Variants in COL9A2 observed in about 807,000 individuals in gnomAD.
The protein encoded by COL9A2 is collagen alpha-2(IX) chain.
A neutral mutation model predicts 111.6 loss-of-function variants in COL9A2; 66 were observed. That is an observed-to-expected ratio of 0.59 (90% CI 0.48 to 0.73). The LOEUF is 0.73. Among genes scored for constraint, COL9A2 ranks in the 30% least tolerant of loss-of-function variants. COL9A2 has a pLI of 0.00. For missense variants in COL9A2, 881 were observed against 954.1 expected, an observed-to-expected ratio of 0.92 and a Z score of 1.01; for synonymous variants, 353 against 364.1, an observed-to-expected ratio of 0.97 and a Z score of 0.35.
rs752798721 is a variant in COL9A2, at chr1:40,302,601, C to T, written c.1792+20G>A. 1.3e-6 allele frequency: 2 copies of T among 1,588,044 alleles called. No individual in the cohort carries two copies. The highest frequency in any genetic ancestry group is 1.1e-5 in the South Asian group (1 of 87,112). On this transcript the variant is annotated intron_variant, in intron 30 of 31. Transcript: ENST00000372748. This position sits in a 1 kb window ranked among gnomAD's most constrained non-coding sequence, Gnocchi z 4.5. ...ATCCTCACTGCCTGGCCCCCATGCC[C>T]ACCGCAGAGGAGCACTCACCCTTGG...
Position 40,312,678 on chromosome 1 carries a change from T to C in COL9A2, c.303+53A>G. ...GCTCCTACTTCCTCTCTACAGCCAC[T>C]CCCAAACGCTGGCCCTAGATTGCCC... is the stretch of plus-strand genomic sequence containing the variant. On this transcript the variant is annotated intron_variant, in intron 5 of 31. Coordinates refer to ENST00000372748, the MANE Select transcript of COL9A2 (RefSeq NM_001852.4). The surrounding 1 kb of genome is among the most constrained non-coding windows in gnomAD (Gnocchi z 6.0). The C allele has an allele frequency of 6.3e-7, 1 of 1,589,786 alleles. No homozygotes were observed. Among genetic ancestry groups the C allele is most frequent in the Non-Finnish European group, 8.6e-7 (1 of 1,167,048 alleles).
At chr1:40,308,717 C>T (rs1230718792) in intron 16 of COL9A2, among the ~76,000 whole-genome samples, 1 of 152,102 alleles carries the variant, frequency 6.6e-6, no homozygotes, top group Non-Finnish European at 1.5e-5. Context: ...AGAATGAGTG[C>T]TTATTGTTTA....
At position 40,311,036 on chromosome 1, in the gene COL9A2, C is replaced by T. The variant is rs947374851; in HGVS notation, c.630+57G>A. The T allele has an allele frequency of 3.1e-6, 5 of 1,601,034 alleles. No homozygotes were observed. In the African/African-American group the frequency reaches 6.7e-5, roughly 21 times the overall value. On this transcript the variant is annotated intron_variant, in intron 12 of 31. Coordinates refer to ENST00000372748, the MANE Select transcript of COL9A2 (RefSeq NM_001852.4). The surrounding 1 kb of genome is among the most constrained non-coding windows in gnomAD (Gnocchi z 5.1). ...GGAAGGGACGAAGAAGGGGACAGAG[C>T]CCTGTAGGACCATCTCCACGTATCC...
Position 40,305,721 on chromosome 1 carries a change from C to T in COL9A2, c.1101G>A (p.Gly367=). The T allele has an allele frequency of 1.2e-6, 2 of 1,614,068 alleles. No homozygotes were observed. The highest frequency in any genetic ancestry group is 1.7e-6 in the Non-Finnish European group (2 of 1,179,972). Residue 367 remains glycine, a synonymous_variant, in exon 21 of 32, where the codon GGG becomes GGA. Coordinates refer to ENST00000372748, the MANE Select transcript of COL9A2 (RefSeq NM_001852.4). The stretch of plus-strand genomic sequence containing the variant: ...CAGTGCAGGGGGCATTTACCTCTTT[C>T]CCAGGGGGACCAGAGAATCCAGGAA... The part of the protein sequence containing the change: ...QGLPGFSGPP[G]KEGEPGPRGE...
At chr1:40,305,574 G>C (rs970048097) in intron 21 of COL9A2, 141 bp downstream of exon 21, 49 of 777,866 alleles carry the variant, frequency 6.3e-5, no homozygotes, top group Middle Eastern at 4.6e-4. Context: ...AGGGAAACAG[G>C]CCCAGGGAGG....
chr1:40,305,539 T>G (rs1644014656), intron 21 of COL9A2, among the ~76,000 whole-genome samples, 176 bp downstream of exon 21: 1 of 152,078 alleles, frequency 6.6e-6, no homozygotes, highest in African/African-American at 2.4e-5. Flanking sequence ...ACAGAGCCAG[T>G]CCCCACCCTC....
intron 20 of COL9A2, 110 bp downstream of exon 20, chr1:40,306,033 G>C: frequency 3.9e-6 from 5 of 1,295,836 alleles, no homozygotes; most frequent in Non-Finnish European, 5.6e-6. Context: ...AGGCCCAAGG[G>C]GCTTATGTTC....
In COL9A2 at chr1:40,311,431, T is replaced by C. The variant is rs1414718382; in HGVS notation, c.519+69A>G. On this transcript the variant is annotated intron_variant, in intron 10 of 31. Coordinates refer to ENST00000372748, the MANE Select transcript of COL9A2 (RefSeq NM_001852.4). The surrounding 1 kb of genome is among the most constrained non-coding windows in gnomAD (Gnocchi z 5.1). Reference sequence around the variant, plus strand: ...ATCTCTCCAGACACCCCCATCTCCGTGGCCCCGCCTCCCCATCTCTGTGGC... The same window carrying C: ...ATCTCTCCAGACACCCCCATCTCCGCGGCCCCGCCTCCCCATCTCTGTGGC... The C allele has an allele frequency of 1.9e-6, 3 of 1,568,198 alleles. No individual in the cohort carries two copies. Among genetic ancestry groups the C allele is most frequent in the Non-Finnish European group, 2.6e-6 (3 of 1,143,848 alleles).
At position 40,303,630 on chromosome 1, in the gene COL9A2, G is replaced by T. The variant is rs1203537041; in HGVS notation, c.1448C>A (p.Ala483Glu). Residue 483 changes from alanine (A) to glutamate (E), a missense_variant, in exon 28 of 32, where the codon GCG (alanine) becomes GAG (glutamate). Ala to Glu is a moderately radical substitution (Grantham distance 107). Coordinates refer to ENST00000372748, the MANE Select transcript of COL9A2 (RefSeq NM_001852.4). The surrounding 1 kb of genome is among the most constrained non-coding windows in gnomAD (Gnocchi z 4.6). ...EPGYPGPSGDAGAPGVQGYPG... is the reference protein window; with the variant it reads ...EPGYPGPSGDEGAPGVQGYPG... The stretch of plus-strand genomic sequence containing the variant: ...GTAGCCCTGAACCCCTGGGGCGCCC[G>T]CATCCCCGCTGGGGCCAGGGTAGCC... The T allele has an allele frequency of 6.3e-7, 1 of 1,592,990 alleles. No homozygotes were observed. Among genetic ancestry groups the T allele is most frequent in the Admixed American group, 1.7e-5 (1 of 57,306 alleles).
In COL9A2 at chr1:40,307,430, T is replaced by C; in HGVS notation, c.1008+16A>G. 1 of 1,613,558 alleles carries C rather than the reference T, an allele frequency of 6.2e-7. No individual in the cohort carries two copies. Among genetic ancestry groups the C allele is most frequent in the Non-Finnish European group, 8.5e-7 (1 of 1,179,746 alleles). ...CTAGCCCCTGGCCAGCCCCTGTGGCTCCACCTGACACTTACCGCTAGGCCC... is the reference window on the plus strand; with the variant it reads ...CTAGCCCCTGGCCAGCCCCTGTGGCCCCACCTGACACTTACCGCTAGGCCC... On this transcript the variant is annotated intron_variant, in intron 19 of 31. Coordinates refer to ENST00000372748, the MANE Select transcript of COL9A2 (RefSeq NM_001852.4). This position sits in a 1 kb window ranked among gnomAD's most constrained non-coding sequence, Gnocchi z 4.8.
At position 40,311,823 on chromosome 1, in the gene COL9A2, C is replaced by T. The variant is rs781781402; in HGVS notation, c.418-108G>A. On this transcript the variant is annotated intron_variant, in intron 8 of 31. Coordinates refer to ENST00000372748, the MANE Select transcript of COL9A2 (RefSeq NM_001852.4). The surrounding 1 kb of genome is among the most constrained non-coding windows in gnomAD (Gnocchi z 5.1). ...GCCCTCTCCACCCTGTCTTCCCGGT[C>T]ACTTTGTGAGATCCACCATCTTGGG... 2 of 1,232,356 alleles carry T rather than the reference C, an allele frequency of 1.6e-6. No homozygotes were observed. Among genetic ancestry groups the T allele is most frequent in the Non-Finnish European group, 2.4e-6 (2 of 838,996 alleles). The allele number at this position is 1,232,356 out of a possible 1,614,324, so 76.3% of individuals were successfully genotyped here.
In COL9A2 at chr1:40,307,473, G is replaced by T. The variant is rs140834689; in HGVS notation, c.981C>A (p.Pro327=). Reference sequence around the variant, plus strand: ...CTAGGCCCTGGTGGCCTGGACTTCCGGGCTGTCCCGCCTGTCCTGCACTGC... The same window carrying T: ...CTAGGCCCTGGTGGCCTGGACTTCCTGGCTGTCCCGCCTGTCCTGCACTGC... The part of the protein sequence containing the change: ...MKGSAGQAGQ[P]GSPGHQGLAG... Residue 327 remains proline, a synonymous_variant, in exon 19 of 32, where the codon CCC becomes CCA. Transcript: ENST00000372748. The surrounding 1 kb of genome is among the most constrained non-coding windows in gnomAD (Gnocchi z 4.8). 4.3e-6 allele frequency: 7 copies of T among 1,613,968 alleles called. No homozygotes were observed. Among genetic ancestry groups the T allele is most frequent in the African/African-American group, 1.3e-5 (1 of 74,904 alleles).
rs932508089 is a variant in COL9A2 at position 40,316,820 on chromosome 1, C to T, written c.75+303G>A. The T allele has an allele frequency of 3.9e-6, 2 of 509,446 alleles. No homozygotes were observed. The highest frequency in any genetic ancestry group is 7.1e-6 in the Non-Finnish European group (2 of 279,958). 31.6% of individuals were successfully genotyped at this position (509,446 alleles called of 1,614,324 possible). The stretch of plus-strand genomic sequence containing the variant: ...TGAATGAGCACCATTGTATGCCCCG[C>T]CACCTGGGCTCCCCGGGCTGCCAGG... On this transcript the variant is annotated intron_variant, in intron 1 of 31. Transcript: ENST00000372748. This position sits in a 1 kb window ranked among gnomAD's most constrained non-coding sequence, Gnocchi z 5.5.
chr1:40,304,762 C>T (rs1643996910), intron 22 of COL9A2, 32 bp downstream of exon 22: 1 of 1,544,326 alleles, frequency 6.5e-7, no homozygotes, highest in African/African-American at 1.4e-5. Flanking sequence ...CGCAGAGGCC[C>T]CCGGGGAGGG....
Position 40,315,635 on chromosome 1 carries a change from C to CG in COL9A2, c.104dup (p.Pro37SerfsTer16). The CG allele has an allele frequency of 1.3e-6, 2 of 1,553,882 alleles. No homozygotes were observed. The highest frequency in any genetic ancestry group is 1.7e-6 in the Non-Finnish European group (2 of 1,147,834). ...GCACTCCCGGCGGTCCCGGGGGACC[C>CG]GGGGGGCCCCGCTCTCCCGGTGGAC... On this transcript the variant is annotated frameshift_variant, in exon 2 of 32. Coordinates refer to ENST00000372748, the MANE Select transcript of COL9A2 (RefSeq NM_001852.4). LOFTEE classifies it high-confidence loss of function.
chr1:40,310,029 G>C lies in COL9A2; in HGVS notation c.793-38C>G, dbSNP rs776213440. 2.6e-5 allele frequency: 42 copies of C among 1,613,952 alleles called. No individual in the cohort carries two copies. The highest frequency in any genetic ancestry group is 3.5e-5 in the Non-Finnish European group (41 of 1,179,828). ...ACAAGCAGGAATCCAGGTCACACAG[G>C]CTCAGGGGGAGCCATGCCCACTCTG... On this transcript the variant is annotated intron_variant, in intron 15 of 31. Coordinates refer to ENST00000372748, the MANE Select transcript of COL9A2 (RefSeq NM_001852.4). This position sits in a 1 kb window ranked among gnomAD's most constrained non-coding sequence, Gnocchi z 4.9.
In COL9A2 at chr1:40,307,344, G is replaced by A. The variant is rs1479110036; in HGVS notation, c.1008+102C>T. ...CCAGGGGCCACAGAGTTGGTAACAA[G>A]GCAAGAGGTGGTGATTGAGCAAGAG... On this transcript the variant is annotated intron_variant, in intron 19 of 31. Transcript: ENST00000372748. The surrounding 1 kb of genome is among the most constrained non-coding windows in gnomAD (Gnocchi z 4.8). 13 of 1,132,746 alleles carry A rather than the reference G, an allele frequency of 1.1e-5. No individual in the cohort carries two copies. The highest frequency in any genetic ancestry group is 1.5e-5 in the African/African-American group (1 of 64,968). 70.2% of individuals were successfully genotyped at this position (1,132,746 alleles called of 1,614,324 possible).
chr1:40,302,354 C>T lies in COL9A2; in HGVS notation c.1792+267G>A, dbSNP rs1013828710. On this transcript the variant is annotated intron_variant, in intron 30 of 31. Transcript: ENST00000372748. This position sits in a 1 kb window ranked among gnomAD's most constrained non-coding sequence, Gnocchi z 4.5. ...CTGCTTTACTGCTCTGCTGGTCTGCCGCCCCATCTCTATTGACATGGAAAG... is the reference window on the plus strand; with the variant it reads ...CTGCTTTACTGCTCTGCTGGTCTGCTGCCCCATCTCTATTGACATGGAAAG... Among the ~76,000 whole-genome samples, 5 of 152,254 alleles carry T rather than the reference C, an allele frequency of 3.3e-5. No individual in the cohort carries two copies. The East Asian group carries it at 5.8e-4, about 18-fold the overall frequency.
rs1487261165 is a variant in COL9A2, at chr1:40,307,858, G to C, written c.901-102C>G. ...GAGACAGCTGCAGTGTGCAGGGAGG[G>C]AGTGGCTCTGGTCATCCCAGGAAGC... On this transcript the variant is annotated intron_variant, in intron 17 of 31. Transcript: ENST00000372748. The surrounding 1 kb of genome is among the most constrained non-coding windows in gnomAD (Gnocchi z 4.8). The C allele has an allele frequency of 1.5e-5, 20 of 1,295,842 alleles. No individual in the cohort carries two copies. The highest frequency in any genetic ancestry group is 1.9e-5 in the Non-Finnish European group (17 of 905,698). The allele number at this position is 1,295,842 out of a possible 1,614,324, so 80.3% of individuals were successfully genotyped here.
Sources: gnomAD v4.1 joint callset for allele counts (sites outside exome capture counted in the v4.1 genomes callset) on GRCh38, gnomAD v4.1.1 for gene constraint, Gnocchi (gnomAD v3.1) non-coding constraint, MANE v1.5 for transcripts, NCBI Gene and HGNC (gene_info 2026-07-23, HGNC 2026-07-21) for gene names.